KMT2A: variants seen among roughly 807,000 people sequenced by gnomAD.
The protein encoded by KMT2A is histone-lysine N-methyltransferase 2A.
KMT2A carries 16 observed loss-of-function variants against 345.3 expected under a neutral mutation model. The observed-to-expected ratio is 0.05, with a 90% CI of 0.03 to 0.07. The LOEUF (loss-of-function observed/expected upper bound fraction) is 0.07. KMT2A is among the 10% of genes least tolerant of loss of function. The pLI is 1.00. For missense variants in KMT2A, 3,272 were observed against 4,841.6 expected, an observed-to-expected ratio of 0.68 and a Z score of 9.62; for synonymous variants, 1,599 against 1,778.6, an observed-to-expected ratio of 0.90 and a Z score of 2.54.
chr11:118,522,411 T>C lies in KMT2A; in HGVS notation c.*239T>C, dbSNP rs1950990456. The C allele has an allele frequency of 6.1e-6, 3 of 488,516 alleles. No homozygotes were observed. Among genetic ancestry groups the C allele is most frequent in the Non-Finnish European group, 1.1e-5 (3 of 270,008 alleles). The allele number at this position is 488,516 out of a possible 1,614,324, so 30.3% of individuals were successfully genotyped here. On this transcript the variant is annotated 3_prime_UTR_variant, in exon 36 of 36. Coordinates refer to ENST00000534358, the MANE Select transcript of KMT2A (RefSeq NM_001197104.2). This position sits in a 1 kb window ranked among gnomAD's most constrained non-coding sequence, Gnocchi z 5.4. ...CGGCTTTCTCCTGGGGCCCCTCCAATTGTTTACTGTTAGAAAGTGGGAATG... is the reference window on the plus strand; with the variant it reads ...CGGCTTTCTCCTGGGGCCCCTCCAACTGTTTACTGTTAGAAAGTGGGAATG...
chr11:118,479,110 T>C (rs1950088652), intron 5 of KMT2A, among the ~76,000 whole-genome samples: 1 of 152,224 alleles, frequency 6.6e-6, no homozygotes, highest in Admixed American at 6.5e-5. Context: ...CCAATTATAC[T>C]CTTTCAGTCA....
rs1460881314 is a variant in KMT2A, at chr11:118,509,210, T to C, written c.10900+10T>C. ...GAACAAGAAAGTGCAGGTATGTGGG[T>C]GGGTAAAAGGTTAGAATCAGAGAAT... On this transcript the variant is annotated intron_variant, in intron 29 of 35. Coordinates refer to ENST00000534358, the MANE Select transcript of KMT2A (RefSeq NM_001197104.2). 1 of 1,608,722 alleles carries C rather than the reference T, an allele frequency of 6.2e-7. No homozygotes were observed. Among genetic ancestry groups the C allele is most frequent in the Non-Finnish European group, 8.5e-7 (1 of 1,175,604 alleles).
chr11:118,488,158 C>A (rs1014960114), intron 10 of KMT2A, among the ~76,000 whole-genome samples: 19 of 151,886 alleles, frequency 1.3e-4, no homozygotes, highest in African/African-American at 4.6e-4. Flanking sequence ...CCAGCCTGGG[C>A]GACAGCGAGA....
chr11:118,506,613 A>G lies in KMT2A; in HGVS notation c.10721A>G (p.Asp3574Gly). 6.2e-7 allele frequency: 1 copy of G among 1,610,424 alleles called. No homozygotes were observed. Among genetic ancestry groups the G allele is most frequent in the South Asian group, 1.1e-5 (1 of 90,648 alleles). Residue 3574 changes from aspartate (D) to glycine (G), a missense_variant, in exon 27 of 36, where the codon GAC becomes GGC. Transcript: ENST00000534358. ...RTSSSEAHIP[D>G]QETTSLTSGT... ...AGTTCTTCTGAAGCACACATTCCAG[A>G]CCAAGAAACGACATCCCTGACCTCA...
At chr11:118,440,138 T>C (rs1949282417) in intron 1 of KMT2A, among the ~76,000 whole-genome samples, 2 of 152,224 alleles carry the variant, frequency 1.3e-5, no homozygotes, top group Non-Finnish European at 2.9e-5. Context: ...CTTCAGTGAA[T>C]AATGACTATA....
At chr11:118,440,610 T>G (rs1555139902) in intron 1 of KMT2A, among the ~76,000 whole-genome samples, 1 of 152,176 alleles carries the variant, frequency 6.6e-6, no homozygotes, top group African/African-American at 2.4e-5. Flanking sequence ...ATTTCCATCC[T>G]GATCATAACA....
At chr11:118,451,316 A>T (rs1290870464) in intron 1 of KMT2A, among the ~76,000 whole-genome samples, 1 of 149,962 alleles carries the variant, frequency 6.7e-6, no homozygotes, top group Non-Finnish European at 1.5e-5. Context: ...GGCTCAAGGG[A>T]TCCTCCTTCC....
At chr11:118,519,077 CAAAAAAAAAA>C (rs11443977) in intron 31 of KMT2A, among the ~76,000 whole-genome samples, 3 of 66,448 alleles carry the variant, frequency 4.5e-5, no homozygotes, top group Non-Finnish European at 7.7e-5. Context: ...GACTCCATCT[CAAAAAAAAAA>C]AAAAAAAAAA....
chr11:118,456,198 G>T (rs1272825989), intron 1 of KMT2A, among the ~76,000 whole-genome samples: 1 of 151,970 alleles, frequency 6.6e-6, no homozygotes, highest in East Asian at 1.9e-4. Context: ...CTTCAGAGCT[G>T]CATTCTTTAA....
At chr11:118,511,431 T>G (rs751892915) in intron 30 of KMT2A, among the ~76,000 whole-genome samples, 7 of 152,072 alleles carry the variant, frequency 4.6e-5, no homozygotes, top group Non-Finnish European at 8.8e-5. Flanking sequence ...TGGAGTGATG[T>G]AAGAAATCCA....
Position 118,505,536 on chromosome 11 carries a change from C to A in KMT2A, c.9644C>A (p.Ala3215Asp), listed in dbSNP as rs1555047855. ...SQRTDLSTTV[A>D]TPSSGLKKRP... ...AGGACAGACCTCAGTACCACAGTAG[C>A]CACTCCATCCTCTGGACTCAAGAAA... The change falls in exon 27 of 36, where the codon GCC (alanine) becomes GAC (aspartate). Residue 3215 changes from alanine to aspartate, a missense_variant. Transcript: ENST00000534358. This position sits in a 1 kb window ranked among gnomAD's most constrained non-coding sequence, Gnocchi z 4.6. 2 of 1,614,024 alleles carry A rather than the reference C, an allele frequency of 1.2e-6. No individual in the cohort carries two copies. Among genetic ancestry groups the A allele is most frequent in the Non-Finnish European group, 1.7e-6 (2 of 1,180,042 alleles).
chr11:118,484,446 G>T lies in KMT2A; in HGVS notation c.4218+132G>T. 1 of 955,026 alleles carries T rather than the reference G, an allele frequency of 1.0e-6. No individual in the cohort carries two copies. The allele number at this position is 955,026 out of a possible 1,614,324, so 59.2% of individuals were successfully genotyped here. ...AATGAATAAGAACTCCCATTAGCAG[G>T]TGGGTTTAGCGCTGGGAGAGCTTTG... On this transcript the variant is annotated intron_variant, in intron 9 of 35. Transcript: ENST00000534358. This position sits in a 1 kb window ranked among gnomAD's most constrained non-coding sequence, Gnocchi z 4.1.
chr11:118,492,886 A>G (rs1359926642), intron 15 of KMT2A, among the ~76,000 whole-genome samples, 171 bp from the exon 16 acceptor site: 1 of 152,188 alleles, frequency 6.6e-6, no homozygotes, highest in Non-Finnish European at 1.5e-5. Context: ...CTATTACATA[A>G]CAGTCTCATT....
At chr11:118,514,928 C>T (rs1016387293) in intron 31 of KMT2A, among the ~76,000 whole-genome samples, 1 of 152,088 alleles carries the variant, frequency 6.6e-6, no homozygotes, top group African/African-American at 2.4e-5. Flanking sequence ...CCACCACGCC[C>T]GGCCTAATTT....
chr11:118,466,205 CTG>C (rs1328132668), intron 1 of KMT2A, among the ~76,000 whole-genome samples: 2 of 152,038 alleles, frequency 1.3e-5, no homozygotes, highest in East Asian at 3.9e-4. Flanking sequence ...TGGTACATGC[CTG>C]TAGTCCCAGC....
intron 1 of KMT2A, among the ~76,000 whole-genome samples, chr11:118,452,931 G>A (rs1949570411): frequency 1.3e-5 from 2 of 148,538 alleles, no homozygotes; most frequent in African/African-American, 2.5e-5. Flanking sequence ...TGTGCCTGGC[G>A]GAAGTGCCCC....
intron 1 of KMT2A, chr11:118,450,624 T>C (rs1169783118): frequency 6.6e-6 from 1 of 152,236 alleles, no homozygotes; most frequent in Non-Finnish European, 1.5e-5. Context: ...CTTAGCGCTC[T>C]TTAATCCCAA....
At chr11:118,488,872 C>T (rs1402595641) in intron 11 of KMT2A, 112 bp downstream of exon 11, 1 of 855,928 alleles carries the variant, frequency 1.2e-6, no homozygotes, top group South Asian at 1.7e-5. Flanking sequence ...GAGTAGTTGC[C>T]TCTGTACTCT....
chr11:118,518,781 C>A (rs371190424), intron 31 of KMT2A, among the ~76,000 whole-genome samples: 759 of 111,862 alleles, frequency 6.8e-3, no homozygotes, highest in Non-Finnish European at 7.4e-3. Flanking sequence ...GAGTCTGTCT[C>A]AAAAAAAAAA....
Sources: gnomAD v4.1 joint callset for allele counts (sites outside exome capture counted in the v4.1 genomes callset) on GRCh38, gnomAD v4.1.1 for gene constraint, Gnocchi (gnomAD v3.1) non-coding constraint, MANE v1.5 for transcripts, NCBI Gene and HGNC (gene_info 2026-07-23, HGNC 2026-07-21) for gene names.